Variants in ARHGAP22 observed in about 807,000 individuals in gnomAD.
ARHGAP22 encodes rho GTPase-activating protein 22.
A neutral mutation model predicts 59.1 loss-of-function variants in ARHGAP22; 48 were observed. The ratio of observed to expected loss-of-function variants is 0.81; its 90% confidence interval spans 0.64 to 1.03. The LOEUF (loss-of-function observed/expected upper bound fraction) is 1.03. Ranked by LOEUF, ARHGAP22 falls within the 50% of genes least tolerant of loss-of-function variation. The probability of loss-of-function intolerance (pLI) is 0.00; values close to 1 mark genes in which losing one functional copy is unlikely to be tolerated. For synonymous variants in ARHGAP22, 445 were observed against 416.4 expected (o/e 1.07, Z -0.84); for missense variants, 1,015 against 958.7 (o/e 1.06, Z -0.78).
chr10:48,517,247 T>A (rs928259148), intron 3 of ARHGAP22, among the ~76,000 whole-genome samples: 1 of 152,200 alleles, frequency 6.6e-6, no homozygotes, highest in East Asian at 1.9e-4. Flanking sequence ...TTAATTTCTA[T>A]AATACATGAA....
In ARHGAP22 at chr10:48,533,187, T is replaced by G. The variant is rs532571173; in HGVS notation, c.322+22276A>C. ...GCAGACTCATTGTTCTGTTGTTTTT[T>G]TTTTTTTTTTTAACTAAGTATATGA... On this transcript the variant is annotated intron_variant, in intron 3 of 9. Coordinates refer to ENST00000249601, the MANE Select transcript of ARHGAP22 (RefSeq NM_021226.4). Among the ~76,000 whole-genome samples the G allele has an allele frequency of 4.5e-4, 68 of 151,882 alleles. No individual in the cohort carries two copies. The South Asian group carries it at 8.7e-3, about 20-fold the overall frequency.
At chr10:48,613,362 TAG>T (rs540342800) in intron 1 of ARHGAP22, among the ~76,000 whole-genome samples, 97 of 152,332 alleles carry the variant, frequency 6.4e-4, no homozygotes, top group African/African-American at 2.3e-3. Context: ...AAGGGCTTTA[TAG>T]TTTAGTAGGA....
chr10:48,457,580 G>A (rs373709285), intron 5 of ARHGAP22, among the ~76,000 whole-genome samples: 6 of 152,146 alleles, frequency 3.9e-5, no homozygotes, highest in Admixed American at 6.5e-5. Context: ...CCTAGGCTCC[G>A]GCCCACAGGA....
intron 5 of ARHGAP22, among the ~76,000 whole-genome samples, chr10:48,456,915 C>G (rs1034430001): frequency 9.2e-5 from 14 of 152,066 alleles, no homozygotes; most frequent in Non-Finnish European, 1.8e-4. Flanking sequence ...TCCCCTTCCC[C>G]CCTCCAACAA....
chr10:48,556,862 G>A (rs979928943), intron 2 of ARHGAP22, among the ~76,000 whole-genome samples: 8 of 152,034 alleles, frequency 5.3e-5, no homozygotes, highest in Non-Finnish European at 1.0e-4. Flanking sequence ...TATCCAGGTC[G>A]CCTCCTGCCT....
chr10:48,515,159 T>G (rs547124722), intron 3 of ARHGAP22, among the ~76,000 whole-genome samples: 5 of 151,794 alleles, frequency 3.3e-5, no homozygotes, highest in Admixed American at 3.3e-4. Flanking sequence ...CCAATAAATT[T>G]TTTAAATAAT....
intron 4 of ARHGAP22, among the ~76,000 whole-genome samples, chr10:48,472,310 G>C (rs2048308040): frequency 6.6e-6 from 1 of 152,110 alleles, no homozygotes; most frequent in African/African-American, 2.4e-5. Flanking sequence ...GATCATTTGA[G>C]GTCAGGAGTT....
At chr10:48,452,461 G>A (rs1169635251) in intron 8 of ARHGAP22, among the ~76,000 whole-genome samples, 1 of 152,172 alleles carries the variant, frequency 6.6e-6, no homozygotes, top group Non-Finnish European at 1.5e-5. Context: ...TGTTTTCCTG[G>A]CCTCAAGGGG....
chr10:48,527,918 G>C (rs75982706), intron 3 of ARHGAP22, among the ~76,000 whole-genome samples: 3,377 of 152,314 alleles, frequency 0.022, 125 homozygotes, highest in African/African-American at 0.077. Flanking sequence ...AGAAGAGATA[G>C]AACCAGGGGG....
intron 1 of ARHGAP22, among the ~76,000 whole-genome samples, chr10:48,619,749 A>G (rs2061217273): frequency 6.6e-6 from 1 of 152,212 alleles, no homozygotes; most frequent in African/African-American, 2.4e-5. Context: ...AAACTACCAA[A>G]AGAAAACATC....
intron 1 of ARHGAP22, among the ~76,000 whole-genome samples, chr10:48,637,878 G>C (rs1028337448): frequency 3.3e-5 from 5 of 152,184 alleles, no homozygotes; most frequent in African/African-American, 9.7e-5. Context: ...CAGTAGGCTG[G>C]CATCAACTTA....
At chr10:48,565,155 G>A (rs375560284) in intron 2 of ARHGAP22, among the ~76,000 whole-genome samples, 1 of 101,546 alleles carries the variant, frequency 9.8e-6, no homozygotes, top group African/African-American at 4.6e-5. Flanking sequence ...AGACAGATCT[G>A]GTTTTAATCC....
downstream of ARHGAP22, among the ~76,000 whole-genome samples, chr10:48,443,414 ACTT>A (rs957249214): frequency 6.6e-6 from 1 of 151,946 alleles, no homozygotes; most frequent in Non-Finnish European, 1.5e-5. Context: ...ACCCTACCCC[ACTT>A]CTTCACAGAC....
chr10:48,648,986 G>GGAA (rs1237750535), intron 1 of ARHGAP22, among the ~76,000 whole-genome samples: 2 of 152,160 alleles, frequency 1.3e-5, no homozygotes, highest in Non-Finnish European at 2.9e-5. Context: ...GCCAAGGGTG[G>GGAA]GAAGAAGAAG....
chr10:48,617,241 A>G (rs1337251138), intron 1 of ARHGAP22, among the ~76,000 whole-genome samples: 3 of 152,022 alleles, frequency 2.0e-5, no homozygotes, highest in African/African-American at 7.2e-5. Flanking sequence ...ATAGACCCCA[A>G]ATACAATGAT....
chr10:48,517,131 G>C (rs562185920), intron 3 of ARHGAP22, among the ~76,000 whole-genome samples: 1 of 152,186 alleles, frequency 6.6e-6, no homozygotes, highest in Non-Finnish European at 1.5e-5. Context: ...GTTTCTTTCC[G>C]GGGTGATGAC....
At chr10:48,591,601 T>C (rs944867304) in intron 1 of ARHGAP22, among the ~76,000 whole-genome samples, 3 of 152,166 alleles carry the variant, frequency 2.0e-5, no homozygotes, top group African/African-American at 7.2e-5. Flanking sequence ...CGATATCACA[T>C]GTTGGCGAGG....
upstream of ARHGAP22, chr10:48,652,632 T>C (rs114520259): frequency 2.2e-3 from 666 of 301,468 alleles, 4 homozygotes; most frequent in African/African-American, 0.013. Context: ...GAAGGGGCTT[T>C]GTGAGCAAAG....
At chr10:48,557,956 C>T (rs1436986113) in intron 2 of ARHGAP22, among the ~76,000 whole-genome samples, 2 of 152,206 alleles carry the variant, frequency 1.3e-5, no homozygotes, top group African/African-American at 4.8e-5. Flanking sequence ...AGCTGAGACA[C>T]TCAGGGTAGG....
Sources: gnomAD v4.1 joint callset for allele counts (sites outside exome capture counted in the v4.1 genomes callset) on GRCh38, gnomAD v4.1.1 for gene constraint, MANE v1.5 for transcripts, NCBI Gene and HGNC (gene_info 2026-07-23, HGNC 2026-07-21) for gene names.